Variants in KIF23 observed in about 807,000 individuals in gnomAD.
The protein encoded by KIF23 is kinesin-like protein KIF23.
A neutral mutation model predicts 137.5 loss-of-function variants in KIF23; 30 were observed. The ratio of observed to expected loss-of-function variants is 0.22; its 90% confidence interval spans 0.16 to 0.30. KIF23 has a LOEUF of 0.30. KIF23 is among the 10% of genes least tolerant of loss of function. The pLI is 1.00. For missense variants in KIF23, 920 were observed against 1,194.3 expected (o/e 0.77, Z 3.38); for synonymous variants, 367 against 391.1 (o/e 0.94, Z 0.73).
In KIF23 at chr15:69,436,569, T is replaced by C. The variant is rs766516681; in HGVS notation, c.1444T>C (p.Leu482=). 5 of 1,604,954 alleles carry C rather than the reference T, an allele frequency of 3.1e-6. No homozygotes were observed. The Admixed American group carries it at 6.9e-5, about 22-fold the overall frequency. The change falls in exon 15 of 24, where the codon TTG becomes CTG. Residue 482 remains leucine, a synonymous_variant. Transcript: ENST00000679126. ...TTTTCTATAATTCAATACAGAACCA[T>C]TGGTTACTGACGTGGTTTTGCAGAG... is the stretch of plus-strand genomic sequence containing the variant. ...QPRGPVGNEP[L]VTDVVLQSFP...
intron 6 of KIF23, among the ~76,000 whole-genome samples, chr15:69,422,687 G>A (rs536147395): frequency 2.6e-5 from 4 of 152,266 alleles, no homozygotes; most frequent in African/African-American, 7.2e-5. Flanking sequence ...TTGTGTGTTC[G>A]GGAGGACGTG....
intron 2 of KIF23, among the ~76,000 whole-genome samples, chr15:69,416,291 A>G (rs1482239636): frequency 6.6e-6 from 1 of 152,198 alleles, no homozygotes; most frequent in Non-Finnish European, 1.5e-5. Context: ...TTGGTTGTCA[A>G]CTGCATACCT....
At chr15:69,428,619 C>T (rs1311566596) in intron 10 of KIF23, among the ~76,000 whole-genome samples, 2 of 133,896 alleles carry the variant, frequency 1.5e-5, no homozygotes, top group African/African-American at 5.8e-5. Flanking sequence ...GAGATGGCGC[C>T]ACTGCAATCC....
At chr15:69,427,321 T>C (rs774798417) in intron 10 of KIF23, 20 of 449,908 alleles carry the variant, frequency 4.4e-5, no homozygotes, top group South Asian at 3.1e-4. Context: ...AAGGGATGAC[T>C]CTGTATGTAG....
In KIF23 at chr15:69,448,044, G is replaced by T; in HGVS notation, c.*237G>T. The T allele has an allele frequency of 2.9e-6, 1 of 344,658 alleles. No individual in the cohort carries two copies. 21.3% of individuals were successfully genotyped at this position (344,658 alleles called of 1,614,324 possible). A position where few individuals can be genotyped will look rare whatever the true frequency, so the allele number is the denominator to read the frequency against. ...TGCCATATTTAATATTAATAGCAGA[G>T]GAAGACTCCTTTTTTCATCACTGTA... On this transcript the variant is annotated 3_prime_UTR_variant, in exon 24 of 24. Transcript: ENST00000679126.
rs938097083 is a variant in KIF23 at position 69,444,052 on chromosome 15, C to T, written c.2422-738C>T. 1.1e-4 allele frequency: 16 copies of T among 152,070 alleles called. No individual in the cohort carries two copies. Among genetic ancestry groups the T allele is most frequent in the African/African-American group, 3.9e-4 (16 of 41,388 alleles). 9.4% of individuals were successfully genotyped at this position (152,070 alleles called of 1,614,324 possible). A position where few individuals can be genotyped will look rare whatever the true frequency, so the allele number is the denominator to read the frequency against. ...CTTGAACTTCTGAGTTCAAGTGATTCCTCCACCTCGGCCTTCCAAAGTGCT... is the reference window on the plus strand; with the variant it reads ...CTTGAACTTCTGAGTTCAAGTGATTTCTCCACCTCGGCCTTCCAAAGTGCT... On this transcript the variant is annotated intron_variant, in intron 19 of 23. Transcript: ENST00000679126. The surrounding 1 kb of genome is among the most constrained non-coding windows in gnomAD (Gnocchi z 4.2).
chr15:69,431,161 G>A (rs1198626524), intron 11 of KIF23, among the ~76,000 whole-genome samples: 1 of 152,232 alleles, frequency 6.6e-6, no homozygotes, highest in Non-Finnish European at 1.5e-5. Context: ...GTTTGATTGA[G>A]GAGAAGCAGT....
At chr15:69,445,976 A>G (rs199676027) in intron 20 of KIF23, 33 bp from the exon 21 acceptor site, 12 of 1,443,274 alleles carry the variant, frequency 8.3e-6, no homozygotes, top group African/African-American at 7.0e-5. Flanking sequence ...GGGTGTATCA[A>G]TGTGTAACAG....
At chr15:69,447,667 C>A in intron 23 of KIF23, 125 bp from the exon 24 acceptor site, 2 of 803,356 alleles carry the variant, frequency 2.5e-6, no homozygotes, top group Non-Finnish European at 4.0e-6. Context: ...TGTTTGCTTT[C>A]TCAGAGGGAC....
Position 69,421,956 on chromosome 15 carries a change from C to T in KIF23, c.317-36C>T, listed in dbSNP as rs557894020. ...AAGAAATACTCTAAGTGGAGAACTT[C>T]TAAGATATAACTCATTGTGACTTGC... On this transcript the variant is annotated intron_variant, in intron 4 of 23. Coordinates refer to ENST00000679126, the MANE Select transcript of KIF23 (RefSeq NM_001367805.3). The T allele has an allele frequency of 1.9e-4, 298 of 1,607,014 alleles. 2 individuals are homozygous for T. The South Asian group carries it at 2.6e-3, about 14-fold the overall frequency.
intron 16 of KIF23, among the ~76,000 whole-genome samples, chr15:69,438,661 C>T (rs1444230532): frequency 1.3e-5 from 2 of 152,004 alleles, no homozygotes; most frequent in Admixed American, 6.6e-5. Flanking sequence ...GTTAGCTGGG[C>T]GTGGTGGCGA....
chr15:69,418,399 T>C (rs1232440074), intron 3 of KIF23, among the ~76,000 whole-genome samples: 1 of 152,168 alleles, frequency 6.6e-6, no homozygotes, highest in Non-Finnish European at 1.5e-5. Context: ...AAATTTTACA[T>C]GCCCAAAAAG....
At chr15:69,438,107 A>G (rs1328108615) in intron 15 of KIF23, 141 bp from the exon 16 acceptor site, 1 of 654,380 alleles carries the variant, frequency 1.5e-6, no homozygotes, top group Admixed American at 3.5e-5. Flanking sequence ...ATTTCCCTCT[A>G]AACTTGTTTT....
intron 2 of KIF23, among the ~76,000 whole-genome samples, chr15:69,416,772 T>G (rs1469931685): frequency 6.6e-6 from 1 of 152,056 alleles, no homozygotes; most frequent in Non-Finnish European, 1.5e-5. Context: ...CTGGCCAACA[T>G]GGCGAAACCC....
rs986970396 is a variant in KIF23, at chr15:69,438,526, G to A, written c.1755+121G>A. The A allele has an allele frequency of 1.7e-5, 14 of 841,546 alleles. No individual in the cohort carries two copies. The East Asian group carries it at 1.8e-4, about 11-fold the overall frequency. The allele number at this position is 841,546 out of a possible 1,614,324, so 52.1% of individuals were successfully genotyped here. A position where few individuals can be genotyped will look rare whatever the true frequency, so the allele number is the denominator to read the frequency against. On this transcript the variant is annotated intron_variant, in intron 16 of 23. Transcript: ENST00000679126. ...TTATTAAGAGTTCTCGGTTGAGTGCGGTGGCTCATGCAGGTAATTCCAACA... is the reference window on the plus strand; with the variant it reads ...TTATTAAGAGTTCTCGGTTGAGTGCAGTGGCTCATGCAGGTAATTCCAACA...
At position 69,436,145 on chromosome 15, in the gene KIF23, T is replaced by C. The variant is rs750384989; in HGVS notation, c.1322T>C (p.Met441Thr). 5.2e-5 allele frequency: 84 copies of C among 1,608,554 alleles called. No homozygotes were observed. Among genetic ancestry groups the C allele is most frequent in the Non-Finnish European group, 6.7e-5 (79 of 1,176,248 alleles). The change falls in exon 14 of 24, where the codon ATG becomes ACG. Residue 441 changes from methionine to threonine, a missense_variant. Met to Thr is a moderately conservative substitution (Grantham distance 81). Coordinates refer to ENST00000679126, the MANE Select transcript of KIF23 (RefSeq NM_001367805.3). ...ATTTGTTTTGTGTTTTAGCAAGTCA[T>C]GAGATTTGCGGAAGTGACTCAAGAA... ...AEDYEENLQV[M>T]RFAEVTQEVE...
intron 15 of KIF23, among the ~76,000 whole-genome samples, chr15:69,437,147 TTG>T (rs2140384980): frequency 6.6e-6 from 1 of 152,326 alleles, no homozygotes; most frequent in South Asian, 2.1e-4. Context: ...TTAAAGAAAA[TTG>T]TGTCTTTAGA....
intron 8 of KIF23, among the ~76,000 whole-genome samples, 179 bp downstream of exon 8, chr15:69,425,502 A>G (rs1237632039): frequency 6.6e-6 from 1 of 152,132 alleles, no homozygotes; most frequent in Non-Finnish European, 1.5e-5. Flanking sequence ...TGGCTGGTAA[A>G]TGTCTCTACC....
chr15:69,425,891 A>C (rs1230964466), intron 8 of KIF23, 179 bp from the exon 9 acceptor site: 1 of 182,686 alleles, frequency 5.5e-6, no homozygotes, highest in Admixed American at 6.1e-5. Context: ...TAGCTTTACA[A>C]TCTTATCTAA....
Sources: gnomAD v4.1 joint callset for allele counts (sites outside exome capture counted in the v4.1 genomes callset) on GRCh38, gnomAD v4.1.1 for gene constraint, Gnocchi (gnomAD v3.1) non-coding constraint, MANE v1.5 for transcripts, NCBI Gene and HGNC (gene_info 2026-07-23, HGNC 2026-07-21) for gene names.